PUS7: variants seen among roughly 807,000 people sequenced by gnomAD.
PUS7 encodes pseudouridine synthase 7.
Under a neutral mutation model 79.8 loss-of-function variants are expected in PUS7, and 48 were observed. That is an observed-to-expected ratio of 0.60 (90% CI 0.48 to 0.76). PUS7 has a LOEUF of 0.76. Among genes scored for constraint, PUS7 ranks in the 30% least tolerant of loss-of-function variants. The probability of loss-of-function intolerance (pLI) is 0.00; values close to 1 mark genes in which losing one functional copy is unlikely to be tolerated. For missense variants in PUS7, 729 were observed against 797.6 expected (o/e 0.91, Z 1.04); for synonymous variants, 286 against 272.2 (o/e 1.05, Z -0.50).
intron 1 of PUS7, among the ~76,000 whole-genome samples, chr7:105,517,520 C>A (rs1037262902): frequency 7.2e-5 from 11 of 152,136 alleles, no homozygotes; most frequent in African/African-American, 2.7e-4. Flanking sequence ...CCTCTGCACT[C>A]CAAATGAGAC....
At chr7:105,519,060 G>A (rs982003060) in intron 1 of PUS7, among the ~76,000 whole-genome samples, 2 of 151,800 alleles carry the variant, frequency 1.3e-5, no homozygotes, top group South Asian at 2.1e-4. Context: ...GAGCCACCGC[G>A]CCCAGCCTAC....
At chr7:105,517,056 T>C (rs1048741189) in intron 1 of PUS7, among the ~76,000 whole-genome samples, 7 of 152,192 alleles carry the variant, frequency 4.6e-5, no homozygotes, top group Non-Finnish European at 1.5e-5. Flanking sequence ...ATAGTAATGA[T>C]GGTATCTTAA....
chr7:105,457,849 G>A lies in PUS7; in HGVS notation c.1927C>T (p.Leu643=), dbSNP rs1368259639. ...TYATMAIREV[L]KMDTSIKNQT... ...TTCTTGATACTGGTATCCATTTTTA[G>A]CACTTCTCGAATGGCCATGGTGGCG... Residue 643 remains leucine, a synonymous_variant, in exon 16 of 16, where the codon CTA becomes TTA. Transcript: ENST00000469408. 3 of 1,614,098 alleles carry A rather than the reference G, an allele frequency of 1.9e-6. No individual in the cohort carries two copies. The South Asian group carries it at 3.3e-5, about 18-fold the overall frequency.
intron 9 of PUS7, among the ~76,000 whole-genome samples, chr7:105,472,780 G>A (rs1470153191): frequency 6.6e-6 from 1 of 152,014 alleles, no homozygotes; most frequent in African/African-American, 2.4e-5. Flanking sequence ...TTGAAGTGGA[G>A]TTTCGCTCTG....
At chr7:105,518,505 G>A (rs1011803250) in intron 1 of PUS7, among the ~76,000 whole-genome samples, 3 of 151,102 alleles carry the variant, frequency 2.0e-5, no homozygotes, top group South Asian at 2.1e-4. Flanking sequence ...CAGCTCAAGC[G>A]ATCCTCCCAC....
At chr7:105,465,007 C>A (rs771105223) in intron 13 of PUS7, among the ~76,000 whole-genome samples, 1 of 151,922 alleles carries the variant, frequency 6.6e-6, no homozygotes, top group Non-Finnish European at 1.5e-5. Flanking sequence ...TTAGTAGAGA[C>A]GGGGTTTTGC....
At position 105,502,441 on chromosome 7, in the gene PUS7, C is replaced by T; in HGVS notation, c.709G>A (p.Ala237Thr). 1.2e-6 allele frequency: 2 copies of T among 1,614,132 alleles called. No homozygotes were observed. Among genetic ancestry groups the T allele is most frequent in the South Asian group, 2.2e-5 (2 of 91,074 alleles). ...CTACTTGCCAAAGCCTTTTTCCCAG[C>T]TGCGTGGTAGGCTACAATGTATTTC... ...GKKYIVAYHA[A>T]GKKALANPRK... is the part of the protein sequence containing the mutation. Residue 237 changes from alanine (A) to threonine (T), a missense_variant, in exon 5 of 16, where the codon GCT becomes ACT. Ala to Thr is a moderately conservative substitution (Grantham distance 58). Coordinates refer to ENST00000469408, the MANE Select transcript of PUS7 (RefSeq NM_019042.5).
At chr7:105,503,566 G>GA (rs1168047052) in intron 4 of PUS7, among the ~76,000 whole-genome samples, 5 of 151,452 alleles carry the variant, frequency 3.3e-5, no homozygotes, top group African/African-American at 1.2e-4. Context: ...TTTAAGAATC[G>GA]AAAAAAAATT....
intron 9 of PUS7, among the ~76,000 whole-genome samples, chr7:105,479,511 C>A (rs1052017555): frequency 6.6e-6 from 1 of 152,122 alleles, no homozygotes; most frequent in Non-Finnish European, 1.5e-5. Context: ...CTAACTCCCA[C>A]GCGAATAATT....
chr7:105,493,546 T>C (rs1251335756), intron 6 of PUS7, among the ~76,000 whole-genome samples: 2 of 152,184 alleles, frequency 1.3e-5, no homozygotes, highest in African/African-American at 4.8e-5. Flanking sequence ...TCCCCCAAAA[T>C]TAGTATGTTG....
At chr7:105,470,949 T>C (rs1823850764) in intron 10 of PUS7, 101 bp from the exon 11 acceptor site, 6 of 1,305,330 alleles carry the variant, frequency 4.6e-6, no homozygotes, top group African/African-American at 4.4e-5. Flanking sequence ...AAAATGCTAC[T>C]TGAAATATAG....
chr7:105,467,827 G>A (rs1021320714), intron 12 of PUS7, among the ~76,000 whole-genome samples: 1 of 151,802 alleles, frequency 6.6e-6, no homozygotes, highest in Non-Finnish European at 1.5e-5. Context: ...TGGGGAGTTC[G>A]AGATCGAGGT....
Position 105,457,941 on chromosome 7 carries a change from A to T in PUS7, c.1850-15T>A, listed in dbSNP as rs369912053. 3 of 1,611,268 alleles carry T rather than the reference A, an allele frequency of 1.9e-6. No homozygotes were observed. In the African/African-American group the frequency reaches 4.0e-5, roughly 22 times the overall value. On this transcript the variant is annotated splice_polypyrimidine_tract_variant and intron_variant, in intron 15 of 15. Transcript: ENST00000469408. Reference sequence around the variant, plus strand: ...GTATTTGCCTTCTGCAAGGCAAGAAAGAAAACAGTCAGAAAATGAAGGCAG... The same window carrying T: ...GTATTTGCCTTCTGCAAGGCAAGAATGAAAACAGTCAGAAAATGAAGGCAG...
chr7:105,466,802 C>A (rs76014476), intron 12 of PUS7, among the ~76,000 whole-genome samples: 3 of 150,870 alleles, frequency 2.0e-5, no homozygotes, highest in Non-Finnish European at 2.9e-5. Flanking sequence ...TGAAACACAG[C>A]GGCACCCAGG....
rs762504334 is a variant in PUS7 at position 105,489,147 on chromosome 7, C to CAAAAAA, written c.920+2387_920+2392dup. ...TGGGCAACAGAGCGAAACTCCATCT[C>CAAAAAA]AAAAAAAAAAAAAAAAAAAAAGAAA... On this transcript the variant is annotated intron_variant, in intron 7 of 15. Transcript: ENST00000469408. 1.6e-3 allele frequency among the ~76,000 whole-genome samples: 55 copies of CAAAAAA among 33,520 alleles called. 1 individual carries two copies. Among genetic ancestry groups the CAAAAAA allele is most frequent in the South Asian group, 5.1e-3 (4 of 788 alleles). 22.0% of individuals were successfully genotyped at this position (33,520 alleles called of 152,430 possible). A position where few individuals can be genotyped will look rare whatever the true frequency, so the allele number is the denominator to read the frequency against.
In PUS7 at chr7:105,459,834, C is replaced by T. The variant is rs565615784; in HGVS notation, c.1758-575G>A. On this transcript the variant is annotated intron_variant, in intron 14 of 15. Transcript: ENST00000469408. The stretch of plus-strand genomic sequence containing the variant: ...ATGCCTCTAATCCCAACACTTTGGG[C>T]GGCCGAGGTGGGATGACTAAGCCCA... 1.6e-4 allele frequency among the ~76,000 whole-genome samples: 25 copies of T among 152,230 alleles called. No individual in the cohort carries two copies. The South Asian group carries it at 3.9e-3, about 24-fold the overall frequency.
At chr7:105,484,500 C>CTTT (rs1216374128) in intron 7 of PUS7, among the ~76,000 whole-genome samples, 1 of 61,140 alleles carries the variant, frequency 1.6e-5, no homozygotes, top group Non-Finnish European at 3.4e-5. Context: ...ATTCATGAAT[C>CTTT]TTTTTTTCTT....
intron 4 of PUS7, among the ~76,000 whole-genome samples, chr7:105,505,224 A>G (rs1034767331): frequency 2.6e-5 from 4 of 152,006 alleles, no homozygotes; most frequent in African/African-American, 7.2e-5. Context: ...GCTGGTCTTG[A>G]ACTCCTGACC....
intron 11 of PUS7, among the ~76,000 whole-genome samples, chr7:105,470,029 A>C (rs749196746): frequency 3.9e-5 from 6 of 152,236 alleles, no homozygotes; most frequent in Non-Finnish European, 8.8e-5. Flanking sequence ...TAAGGAATTT[A>C]CACATCAATT....
Sources: gnomAD v4.1 joint callset for allele counts (sites outside exome capture counted in the v4.1 genomes callset) on GRCh38, gnomAD v4.1.1 for gene constraint, MANE v1.5 for transcripts, NCBI Gene and HGNC (gene_info 2026-07-23, HGNC 2026-07-21) for gene names.